The following ST3GAL3 variants were observed in gnomAD, a reference collection of about 807,000 sequenced individuals.
The protein encoded by ST3GAL3 is ST3 beta-galactoside alpha-2,3-sialyltransferase 3.
A neutral mutation model predicts 50.1 loss-of-function variants in ST3GAL3; 21 were observed. The ratio of observed to expected loss-of-function variants is 0.42; its 90% CI spans 0.30 to 0.60. The LOEUF (loss-of-function observed/expected upper bound fraction) is 0.60. Among genes scored for constraint, ST3GAL3 ranks in the 20% least tolerant of loss-of-function variants. ST3GAL3 has a pLI of 0.19. For synonymous variants in ST3GAL3, 183 were observed against 190.0 expected (o/e 0.96, Z 0.30); for missense variants, 353 against 489.4 (o/e 0.72, Z 2.63).
At chr1:43,756,098 C>A (rs1275564975) in intron 2 of ST3GAL3, among the ~76,000 whole-genome samples, 7 of 4,444 alleles carry the variant, frequency 1.6e-3, no homozygotes, top group Admixed American at 3.2e-3. Context: ...GAGAACCAGT[C>A]TCAAAAAAAA....
chr1:43,736,502 G>A, intron 2 of ST3GAL3, 122 bp downstream of exon 2: 2 of 1,577,346 alleles, frequency 1.3e-6, no homozygotes, highest in Non-Finnish European at 1.7e-6. Context: ...GAACATTTCT[G>A]GGACTTTGGC....
intron 5 of ST3GAL3, among the ~76,000 whole-genome samples, chr1:43,856,659 C>T (rs1016922360): frequency 1.3e-5 from 2 of 152,232 alleles, no homozygotes; most frequent in Admixed American, 1.3e-4. Flanking sequence ...ACCTGGACTC[C>T]AGCTTACAGC....
intron 1 of ST3GAL3, among the ~76,000 whole-genome samples, chr1:43,711,946 T>C (rs1664977858): frequency 6.6e-6 from 1 of 152,254 alleles, no homozygotes; most frequent in Non-Finnish European, 1.5e-5. Flanking sequence ...ACTGGTTTAA[T>C]TGAACCTAGC....
chr1:43,748,874 T>TAA (rs55722803), intron 2 of ST3GAL3, among the ~76,000 whole-genome samples: 2 of 151,778 alleles, frequency 1.3e-5, no homozygotes, highest in South Asian at 2.1e-4. Flanking sequence ...TCAGCAGGCT[T>TAA]AAAAAAAGAA....
At chr1:43,770,911 T>C (rs542536967) in intron 2 of ST3GAL3, among the ~76,000 whole-genome samples, 1 of 152,354 alleles carries the variant, frequency 6.6e-6, no homozygotes, top group African/African-American at 2.4e-5. Context: ...TATCAGATAA[T>C]CCAGAACGTC....
intron 2 of ST3GAL3, among the ~76,000 whole-genome samples, chr1:43,784,201 A>G (rs1468247846): frequency 6.6e-6 from 1 of 152,108 alleles, no homozygotes; most frequent in Non-Finnish European, 1.5e-5. Context: ...CTCCCAGCCA[A>G]AAATTCTCCT....
At chr1:43,782,380 G>A (rs377610959) in intron 2 of ST3GAL3, among the ~76,000 whole-genome samples, 7 of 152,124 alleles carry the variant, frequency 4.6e-5, no homozygotes, top group South Asian at 4.2e-4. Context: ...GCCTCCTTAC[G>A]CTCTGTCTTA....
intron 2 of ST3GAL3, among the ~76,000 whole-genome samples, chr1:43,775,766 A>C (rs997910439): frequency 2.6e-5 from 4 of 151,962 alleles, no homozygotes; most frequent in African/African-American, 9.7e-5. Flanking sequence ...AAGATTCAGA[A>C]TACCAAGGAC....
chr1:43,712,868 C>T (rs1416487361), intron 1 of ST3GAL3, among the ~76,000 whole-genome samples: 3 of 152,218 alleles, frequency 2.0e-5, no homozygotes, highest in East Asian at 1.9e-4. Context: ...CTGCAGAAAT[C>T]GGTCAAGAAT....
intron 9 of ST3GAL3, among the ~76,000 whole-genome samples, chr1:43,901,696 CG>C (rs1287286591): frequency 2.6e-5 from 4 of 152,168 alleles, no homozygotes; most frequent in African/African-American, 9.7e-5. Flanking sequence ...CATTGCAGGA[CG>C]AGGCACAGGC....
chr1:43,790,315 A>G (rs761061513), intron 2 of ST3GAL3, among the ~76,000 whole-genome samples: 3 of 152,300 alleles, frequency 2.0e-5, no homozygotes, highest in Admixed American at 2.0e-4. Flanking sequence ...ATTGTGTTGA[A>G]TGTCCATGTG....
intron 2 of ST3GAL3, among the ~76,000 whole-genome samples, chr1:43,771,729 GTTGT>G (rs1338089361): frequency 3.7e-4 from 36 of 98,246 alleles, no homozygotes; most frequent in Non-Finnish European, 6.1e-4. Context: ...TTTTAATAAA[GTTGT>G]GTGTGTGTGT....
chr1:43,858,594 C>G (rs1017355834), intron 5 of ST3GAL3, among the ~76,000 whole-genome samples: 11 of 152,226 alleles, frequency 7.2e-5, no homozygotes, highest in African/African-American at 2.2e-4. Context: ...CCTGGCCCTC[C>G]TCCTGAGCTG....
At chr1:43,817,591 C>CCCT (rs2061482734) in intron 4 of ST3GAL3, among the ~76,000 whole-genome samples, 1 of 50,280 alleles carries the variant, frequency 2.0e-5, no homozygotes, top group Non-Finnish European at 4.2e-5. Flanking sequence ...TCCTCCTTCT[C>CCCT]CTCCTCCCTT....
At chr1:43,861,889 G>A (rs1374045191) in intron 5 of ST3GAL3, among the ~76,000 whole-genome samples, 2 of 152,186 alleles carry the variant, frequency 1.3e-5, no homozygotes, top group Admixed American at 6.5e-5. Flanking sequence ...TTAGCCGGGC[G>A]TGTTGGCACA....
intron 5 of ST3GAL3, among the ~76,000 whole-genome samples, chr1:43,855,015 T>G (rs2068066765): frequency 6.6e-6 from 1 of 152,110 alleles, no homozygotes; most frequent in Non-Finnish European, 1.5e-5. Flanking sequence ...GTCTCTCTCA[T>G]CTCTTAAAAA....
At chr1:43,904,621 C>T (rs1222273035) in intron 9 of ST3GAL3, among the ~76,000 whole-genome samples, 1 of 151,904 alleles carries the variant, frequency 6.6e-6, no homozygotes. Context: ...TCACTGTCTT[C>T]TGTAAGCTCT....
At chr1:43,904,722 C>T (rs1353930736) in intron 9 of ST3GAL3, among the ~76,000 whole-genome samples, 1 of 147,492 alleles carries the variant, frequency 6.8e-6, no homozygotes, top group African/African-American at 2.5e-5. Flanking sequence ...CACTCTTCCT[C>T]ACCCTCCCCC....
chr1:43,744,778 G>C (rs1288410878), intron 2 of ST3GAL3, among the ~76,000 whole-genome samples: 1 of 151,302 alleles, frequency 6.6e-6, no homozygotes, highest in Non-Finnish European at 1.5e-5. Flanking sequence ...GAGGCAGGCG[G>C]GATCACCTGA....
Sources: gnomAD v4.1 joint callset for allele counts (sites outside exome capture counted in the v4.1 genomes callset) on GRCh38, gnomAD v4.1.1 for gene constraint, MANE v1.5 for transcripts, NCBI Gene and HGNC (gene_info 2026-07-23, HGNC 2026-07-21) for gene names.